The following DDX19A variants were observed in gnomAD, a reference collection of about 807,000 sequenced individuals.
The protein encoded by DDX19A is DEAD-box helicase 19A.
Under a neutral mutation model 60.6 loss-of-function variants are expected in DDX19A, and 12 were observed. The ratio of observed to expected loss-of-function variants is 0.20; its 90% CI spans 0.13 to 0.32. The LOEUF is 0.32. DDX19A is among the 10% of genes least tolerant of loss of function. The pLI, the probability that DDX19A is intolerant of heterozygous loss-of-function variation, is 1.00. For missense variants in DDX19A, 337 were observed against 600.6 expected, an observed-to-expected ratio of 0.56 and a Z score of 4.59; for synonymous variants, 206 against 218.2, an observed-to-expected ratio of 0.94 and a Z score of 0.49.
At chr16:70,350,316 C>T (rs979523676) in intron 1 of DDX19A, among the ~76,000 whole-genome samples, 5 of 152,084 alleles carry the variant, frequency 3.3e-5, no homozygotes, top group Admixed American at 3.3e-4. Context: ...TTTTCTGAAA[C>T]TTTCCCCCCA....
At chr16:70,347,970 G>T (rs890993901) in intron 1 of DDX19A, 1 of 450,176 alleles carries the variant, frequency 2.2e-6, no homozygotes, top group South Asian at 1.6e-5. Context: ...GATTACAGCC[G>T]TGAGTCACCG....
chr16:70,353,075 A>C (rs1964074321), intron 2 of DDX19A, among the ~76,000 whole-genome samples: 1 of 151,924 alleles, frequency 6.6e-6, no homozygotes, highest in Non-Finnish European at 1.5e-5. Context: ...TAAATTCCCC[A>C]AAAATGGATT....
At position 70,372,077 on chromosome 16, in the gene DDX19A, G is replaced by C; in HGVS notation, c.*91G>C. 6.3e-7 allele frequency: 1 copy of C among 1,592,354 alleles called. No individual in the cohort carries two copies. The highest frequency in any genetic ancestry group is 8.6e-7 in the Non-Finnish European group (1 of 1,161,664). ...GGCACAGGCCCCGACATCACCCCAAGGACAACGGCAGAAGTAGAGAGAAAC... is the reference window on the plus strand; with the variant it reads ...GGCACAGGCCCCGACATCACCCCAACGACAACGGCAGAAGTAGAGAGAAAC... On this transcript the variant is annotated 3_prime_UTR_variant, in exon 12 of 12. Transcript: ENST00000302243.
intron 4 of DDX19A, among the ~76,000 whole-genome samples, chr16:70,356,658 ATTTT>A (rs1005859463): frequency 6.6e-6 from 1 of 151,486 alleles, no homozygotes; most frequent in South Asian, 2.1e-4. Context: ...GTGCCTGGCT[ATTTT>A]TTTTCTTTGA....
Position 70,356,191 on chromosome 16 carries a change from G to C in DDX19A, c.237G>C (p.Leu79=). 6.2e-7 allele frequency: 1 copy of C among 1,614,078 alleles called. No homozygotes were observed. Among genetic ancestry groups the C allele is most frequent in the African/African-American group, 1.3e-5 (1 of 74,996 alleles). The change falls in exon 4 of 12, where the codon CTG becomes CTC. Residue 79 remains leucine (L), a synonymous_variant. Coordinates refer to ENST00000302243, the MANE Select transcript of DDX19A (RefSeq NM_018332.5). The part of the protein sequence containing the change: ...LVDNTNQVEV[L]QRDPNSPLYS... ...ATAACACAAACCAAGTGGAAGTCCT[G>C]CAACGGGATCCAAACTCCCCTCTGT...
At chr16:70,361,633 T>G (rs1457119635) in intron 5 of DDX19A, 123 bp downstream of exon 5, 5 of 683,940 alleles carry the variant, frequency 7.3e-6, no homozygotes, top group Middle Eastern at 2.4e-4. Context: ...GGAATACAGC[T>G]TAGGCAAGTG....
intron 4 of DDX19A, chr16:70,356,817 T>C (rs773693278): frequency 1.9e-4 from 213 of 1,144,474 alleles, no homozygotes; most frequent in Non-Finnish European, 2.1e-4. Context: ...TTATCATAGC[T>C]AAAAGTCTTA....
At position 70,365,898 on chromosome 16, in the gene DDX19A, G is replaced by T. The variant is rs1964505202; in HGVS notation, c.605-187G>T. 3 of 766,628 alleles carry T rather than the reference G, an allele frequency of 3.9e-6. No homozygotes were observed. In the South Asian group the frequency reaches 5.2e-5, roughly 13 times the overall value. 47.5% of individuals were successfully genotyped at this position (766,628 alleles called of 1,614,324 possible). ...TGTGGGATTTGATCCTGACCACAGT[G>T]CACTGAGATAGGTGTCATTCTGCCC... On this transcript the variant is annotated intron_variant, in intron 7 of 11. Transcript: ENST00000302243.
chr16:70,355,884 C>A, intron 3 of DDX19A: 3 of 615,034 alleles, frequency 4.9e-6, no homozygotes, highest in Non-Finnish European at 8.4e-6. Flanking sequence ...ATTGCCAGAG[C>A]CCAGGAATTC....
chr16:70,348,586 C>A (rs574677149), intron 1 of DDX19A, among the ~76,000 whole-genome samples: 59 of 147,396 alleles, frequency 4.0e-4, no homozygotes, highest in Non-Finnish European at 6.5e-4. Flanking sequence ...AAAATTACGC[C>A]ACTGCACTCC....
At chr16:70,360,566 G>A (rs924292588) in intron 4 of DDX19A, among the ~76,000 whole-genome samples, 4 of 151,266 alleles carry the variant, frequency 2.6e-5, no homozygotes, top group African/African-American at 4.9e-5. Context: ...GGTCTTGAAC[G>A]CCTGGACTCC....
At chr16:70,348,481 C>T (rs1963912060) in intron 1 of DDX19A, among the ~76,000 whole-genome samples, 1 of 151,806 alleles carries the variant, frequency 6.6e-6, no homozygotes, top group Admixed American at 6.6e-5. Context: ...CAAAAGTTAG[C>T]CAGGCGTGGT....
intron 4 of DDX19A, among the ~76,000 whole-genome samples, chr16:70,360,527 A>G (rs1282793691): frequency 6.6e-6 from 1 of 151,460 alleles, no homozygotes; most frequent in Non-Finnish European, 1.5e-5. Context: ...TTTGTTTTAG[A>G]GACAGGGTCT....
chr16:70,347,667 TA>T (rs1465803238), intron 1 of DDX19A, among the ~76,000 whole-genome samples: 1 of 152,202 alleles, frequency 6.6e-6, no homozygotes, highest in Non-Finnish European at 1.5e-5. Context: ...TGTTTAGTGA[TA>T]ATGGACTGTC....
Position 70,366,071 on chromosome 16 carries a change from C to G in DDX19A, c.605-14C>G, listed in dbSNP as rs1964510516. 2 of 1,614,042 alleles carry G rather than the reference C, an allele frequency of 1.2e-6. No homozygotes were observed. Among genetic ancestry groups the G allele is most frequent in the Non-Finnish European group, 1.7e-6 (2 of 1,180,028 alleles). On this transcript the variant is annotated splice_polypyrimidine_tract_variant and intron_variant, in intron 7 of 11. Transcript: ENST00000302243. ...CCTTTGAAATACCTATGAAAATCAC[C>G]TGGGTCTCCACAGTGGAAAGAGGCC...
rs150947432 is a variant in DDX19A at position 70,368,992 on chromosome 16, C to T, written c.1021-1231C>T. On this transcript the variant is annotated intron_variant, in intron 9 of 11. Transcript: ENST00000302243. The stretch of plus-strand genomic sequence containing the variant: ...AGCAATTCTCCTGCCTCAGCCTTCC[C>T]GGGTAGCTGGGATTACAGGCATGTG... 7.1e-4 allele frequency among the ~76,000 whole-genome samples: 107 copies of T among 149,958 alleles called. 1 individual carries two copies. Among genetic ancestry groups the T allele is most frequent in the African/African-American group, 2.4e-3 (98 of 40,652 alleles).
rs938588409 is a variant in DDX19A, at chr16:70,373,267, T to C, written c.*1281T>C. 2.0e-5 allele frequency: 3 copies of C among 152,128 alleles called. No individual in the cohort carries two copies. The highest frequency in any genetic ancestry group is 7.2e-5 in the African/African-American group (3 of 41,424). 9.4% of individuals were successfully genotyped at this position (152,128 alleles called of 1,614,324 possible). A position where few individuals can be genotyped will look rare whatever the true frequency, so the allele number is the denominator to read the frequency against. On this transcript the variant is annotated 3_prime_UTR_variant, in exon 12 of 12. Transcript: ENST00000302243. Reference sequence around the variant, plus strand: ...ATAAGGATGGATAAATTGTAGCGTATGCACCATTCATTATGCTAAGACATT... The same window carrying C: ...ATAAGGATGGATAAATTGTAGCGTACGCACCATTCATTATGCTAAGACATT...
At chr16:70,371,253 G>A in intron 10 of DDX19A, 119 bp from the exon 11 acceptor site, 25 of 1,576,596 alleles carry the variant, frequency 1.6e-5, no homozygotes, top group Non-Finnish European at 2.2e-5. Flanking sequence ...CCCAGAGTTG[G>A]CCTGTCCCAA....
intron 9 of DDX19A, among the ~76,000 whole-genome samples, chr16:70,367,964 C>G (rs1028335402): frequency 6.6e-6 from 1 of 151,996 alleles, no homozygotes; most frequent in African/African-American, 2.4e-5. Flanking sequence ...TTGCTTCAGC[C>G]CAGGAGTTTG....
Sources: allele counts gnomAD v4.1 joint callset (sites outside exome capture counted in the v4.1 genomes callset), GRCh38; gene constraint gnomAD v4.1.1; transcripts MANE v1.5; gene names NCBI Gene and HGNC (gene_info 2026-07-23, HGNC 2026-07-21).